Variants in EIF1AD observed in about 807,000 individuals in gnomAD.
EIF1AD encodes the protein eukaryotic translation initiation factor 1A domain containing.
A neutral mutation model predicts 21.7 loss-of-function variants in EIF1AD; 9 were observed. The ratio of observed to expected loss-of-function variants is 0.41; its 90% CI spans 0.25 to 0.72. EIF1AD has a LOEUF of 0.72. Among genes scored for constraint, EIF1AD ranks in the 30% least tolerant of loss-of-function variants. The pLI is 0.29. For synonymous variants in EIF1AD, 78 were observed against 70.9 expected, an observed-to-expected ratio of 1.10 and a Z score of -0.50; for missense variants, 164 against 199.7, an observed-to-expected ratio of 0.82 and a Z score of 1.08.
At chr11:65,999,950 T>A in intron 3 of EIF1AD, 103 bp downstream of exon 3, 1 of 955,046 alleles carries the variant, frequency 1.0e-6, no homozygotes. Flanking sequence ...AATTTTTTTC[T>A]TTTTGTAGAG....
chr11:66,001,579 G>T (rs1158987324), intron 1 of EIF1AD, among the ~76,000 whole-genome samples: 2 of 151,958 alleles, frequency 1.3e-5, no homozygotes, highest in Non-Finnish European at 2.9e-5. Context: ...TCTGGAAGGA[G>T]TTTGAAATAA....
intron 1 of EIF1AD, among the ~76,000 whole-genome samples, chr11:66,001,230 T>A (rs572882259): frequency 5.3e-5 from 8 of 151,912 alleles, no homozygotes; most frequent in Non-Finnish European, 8.8e-5. Flanking sequence ...TCCCAGCACT[T>A]TGGGAGGCCG....
In EIF1AD at chr11:65,998,243, G is replaced by C. The variant is rs763428936; in HGVS notation, c.*356C>G. 1.1e-5 allele frequency: 2 copies of C among 181,828 alleles called. No homozygotes were observed. The highest frequency in any genetic ancestry group is 1.2e-5 in the Non-Finnish European group (1 of 85,880). 11.3% of individuals were successfully genotyped at this position (181,828 alleles called of 1,614,324 possible). The stretch of plus-strand genomic sequence containing the variant: ...TGTTAAACACATGCAAGAAGGCCCA[G>C]AGCACGGCCTGGCACTTTCTAAGTG... On this transcript the variant is annotated 3_prime_UTR_variant, in exon 6 of 6. Transcript: ENST00000533544.
chr11:66,000,008 T>C lies in EIF1AD; in HGVS notation c.196+45A>G, dbSNP rs370566465. ...AGGCTGGTCTCAAGCGATCCTCCCA[T>C]CTCAGCCTCTCAAAGTGCCAGGATT... On this transcript the variant is annotated intron_variant, in intron 3 of 5. Transcript: ENST00000533544. The C allele has an allele frequency of 5.7e-5, 84 of 1,467,524 alleles. No homozygotes were observed. In the African/African-American group the frequency reaches 1.0e-3, roughly 18 times the overall value. The allele number at this position is 1,467,524 out of a possible 1,614,324, so 90.9% of individuals were successfully genotyped here.
Position 65,998,402 on chromosome 11 carries a change from G to A in EIF1AD, c.*197C>T, listed in dbSNP as rs546833104. 524 of 438,426 alleles carry A rather than the reference G, an allele frequency of 1.2e-3. No homozygotes were observed. Among genetic ancestry groups the A allele is most frequent in the Non-Finnish European group, 1.5e-3 (407 of 262,854 alleles). The allele number at this position is 438,426 out of a possible 1,614,324, so 27.2% of individuals were successfully genotyped here. ...CACTTCATCACAATCTCCCTCCCCCGAGAGAGCCACTCAGACACCAGAACA... is the reference window on the plus strand; with the variant it reads ...CACTTCATCACAATCTCCCTCCCCCAAGAGAGCCACTCAGACACCAGAACA... On this transcript the variant is annotated 3_prime_UTR_variant, in exon 6 of 6. Transcript: ENST00000533544.
chr11:66,001,301 C>A (rs993783458), intron 1 of EIF1AD, among the ~76,000 whole-genome samples: 6 of 151,758 alleles, frequency 4.0e-5, no homozygotes, highest in African/African-American at 1.5e-4. Flanking sequence ...GTGAAACCCT[C>A]TCTCTACAAA....
intron 5 of EIF1AD, 81 bp downstream of exon 5, chr11:65,999,269 G>A (rs1855843352): frequency 7.0e-6 from 11 of 1,578,318 alleles, no homozygotes; most frequent in African/African-American, 1.4e-5. Context: ...AAGGAGGAAA[G>A]AAGGCTCTAT....
rs758174177 is a variant in EIF1AD, at chr11:65,998,664, C to T, written c.433G>A (p.Val145Ile). The part of the protein sequence containing the change: ...SSSEDDSDLF[V>I]NTNRRQYHES... Reference sequence around the variant, plus strand: ...TGATACTGTCTGCGGTTTGTGTTAACAAACAGGTCAGAATCATCTTCTGAG... The same window carrying T: ...TGATACTGTCTGCGGTTTGTGTTAATAAACAGGTCAGAATCATCTTCTGAG... The change falls in exon 6 of 6, where the codon GTT becomes ATT. Residue 145 changes from valine (V) to isoleucine (I), a missense_variant. Coordinates refer to ENST00000533544, the MANE Select transcript of EIF1AD (RefSeq NM_001242481.2). 3.1e-6 allele frequency: 5 copies of T among 1,614,212 alleles called. No individual in the cohort carries two copies. In the East Asian group the frequency reaches 1.1e-4, roughly 36 times the overall value.
intron 1 of EIF1AD, 61 bp downstream of exon 1, chr11:66,001,849 T>C (rs1565061979): frequency 6.6e-6 from 1 of 152,294 alleles, no homozygotes; most frequent in Non-Finnish European, 1.5e-5. Flanking sequence ...CGTCTCTAGT[T>C]GCTGTCCTCC....
Position 65,999,341 on chromosome 11 carries a change from G to T in EIF1AD, c.353+9C>A, listed in dbSNP as rs766510565. On this transcript the variant is annotated intron_variant, in intron 5 of 5. Coordinates refer to ENST00000533544, the MANE Select transcript of EIF1AD (RefSeq NM_001242481.2). ...TTCCATGTACCCCACCCCAAGGCTT[G>T]TTCCTCACCTGTTCCTGTTGTTGTG... The T allele has an allele frequency of 3.7e-6, 6 of 1,614,100 alleles. No homozygotes were observed. The highest frequency in any genetic ancestry group is 1.6e-4 in the Middle Eastern group (1 of 6,084).
Position 66,000,371 on chromosome 11 carries a change from T to C in EIF1AD, c.19A>G (p.Arg7Gly), listed in dbSNP as rs376933677. Residue 7 changes from arginine to glycine, a missense_variant, in exon 2 of 6, where the codon AGG becomes GGG. By Grantham distance (125) the Arg-to-Gly change is moderately radical. Coordinates refer to ENST00000533544, the MANE Select transcript of EIF1AD (RefSeq NM_001242481.2). MSQATK[R>G]KHVVKEVLGE... is the part of the protein sequence containing the mutation. ...AGCACCTCCTTCACCACATGCTTCC[T>C]CTTGGTGGCCTGAGACATGCTGAAG... is the stretch of plus-strand genomic sequence containing the variant. The C allele has an allele frequency of 3.1e-6, 5 of 1,611,752 alleles. No homozygotes were observed. Among genetic ancestry groups the C allele is most frequent in the Non-Finnish European group, 4.2e-6 (5 of 1,179,072 alleles).
At chr11:65,999,746 G>T in intron 3 of EIF1AD, 71 bp from the exon 4 acceptor site, 4 of 1,052,382 alleles carry the variant, frequency 3.8e-6, no homozygotes, top group Non-Finnish European at 5.8e-6. Flanking sequence ...ATAGGAAGGG[G>T]TTCTATCTCC....
Position 65,999,252 on chromosome 11 carries a change from C to T in EIF1AD, c.353+98G>A, listed in dbSNP as rs541066274. 9 of 1,508,622 alleles carry T rather than the reference C, an allele frequency of 6.0e-6. No individual in the cohort carries two copies. The African/African-American group carries it at 8.3e-5, about 14-fold the overall frequency. The allele number at this position is 1,508,622 out of a possible 1,614,324, so 93.5% of individuals were successfully genotyped here. ...ATGCTTAGGAGCTCTCAACAGATAC[C>T]CTATGTAAGGAGGAAAGAAGGCTCT... On this transcript the variant is annotated intron_variant, in intron 5 of 5. Transcript: ENST00000533544.
rs1008436945 is a variant in EIF1AD at position 66,001,959 on chromosome 11, C to A, written c.-166G>T. 6.6e-6 allele frequency: 1 copy of A among 152,264 alleles called. No individual in the cohort carries two copies. The highest frequency in any genetic ancestry group is 2.4e-5 in the African/African-American group (1 of 41,452). 9.4% of individuals were successfully genotyped at this position (152,264 alleles called of 1,614,324 possible). On this transcript the variant is annotated 5_prime_UTR_variant, in exon 1 of 6. Transcript: ENST00000533544. Reference sequence around the variant, plus strand: ...CAGGAACGCTGCCGGAGCAACACCGCCGTCTAGGCTGGACGCTGAGAGAGG... The same window carrying A: ...CAGGAACGCTGCCGGAGCAACACCGACGTCTAGGCTGGACGCTGAGAGAGG...
chr11:65,997,094 G>C lies in EIF1AD; in HGVS notation c.*1505C>G, dbSNP rs936894084. ...TAATCCCAGCAGTTTGGGAGGCTGA[G>C]GCAGGAGGCTCATTTAAGGTCAGGA... is the stretch of plus-strand genomic sequence containing the variant. On this transcript the variant is annotated 3_prime_UTR_variant, in exon 6 of 6. Coordinates refer to ENST00000533544, the MANE Select transcript of EIF1AD (RefSeq NM_001242481.2). 2 of 152,104 alleles carry C rather than the reference G, an allele frequency of 1.3e-5. No individual in the cohort carries two copies. Among genetic ancestry groups the C allele is most frequent in the Middle Eastern group, 3.1e-3 (1 of 318 alleles). 9.4% of individuals were successfully genotyped at this position (152,104 alleles called of 1,614,324 possible). A position where few individuals can be genotyped will look rare whatever the true frequency, so the allele number is the denominator to read the frequency against.
rs1292744150 is a variant in EIF1AD at position 65,999,691 on chromosome 11, G to C, written c.197-16C>G. ...AGAAAGTCCCCTGTAGATAAGAAGA[G>C]AAAAGGCAAAGTCAGGCCTGCTTGC... is the stretch of plus-strand genomic sequence containing the variant. On this transcript the variant is annotated splice_polypyrimidine_tract_variant and intron_variant, in intron 3 of 5. Transcript: ENST00000533544. The C allele has an allele frequency of 6.3e-7, 1 of 1,588,798 alleles. No individual in the cohort carries two copies. The highest frequency in any genetic ancestry group is 8.6e-7 in the Non-Finnish European group (1 of 1,157,348).
intron 5 of EIF1AD, 89 bp downstream of exon 5, chr11:65,999,261 G>A: frequency 6.5e-7 from 1 of 1,546,498 alleles, no homozygotes; most frequent in Non-Finnish European, 8.9e-7. Flanking sequence ...CCCTATGTAA[G>A]GAGGAAAGAA....
chr11:65,998,763 C>G lies in EIF1AD; in HGVS notation c.354-20G>C. 1 of 1,612,974 alleles carries G rather than the reference C, an allele frequency of 6.2e-7. No individual in the cohort carries two copies. Among genetic ancestry groups the G allele is most frequent in the South Asian group, 1.1e-5 (1 of 90,968 alleles). On this transcript the variant is annotated intron_variant, in intron 5 of 5. Transcript: ENST00000533544. Reference sequence around the variant, plus strand: ...GTTTGTCTGCACGAAGGGAAGAGAGCAGGGTTAGCCCAGCGCCTTCTGGGA... The same window carrying G: ...GTTTGTCTGCACGAAGGGAAGAGAGGAGGGTTAGCCCAGCGCCTTCTGGGA...
intron 3 of EIF1AD, 89 bp downstream of exon 3, chr11:65,999,964 A>G: frequency 9.5e-7 from 1 of 1,057,972 alleles, no homozygotes; most frequent in Non-Finnish European, 1.4e-6. Context: ...TGTAGAGACA[A>G]GGTCTCATTA....
Sources: allele counts gnomAD v4.1 joint callset (sites outside exome capture counted in the v4.1 genomes callset), GRCh38; gene constraint gnomAD v4.1.1; transcripts MANE v1.5; gene names NCBI Gene and HGNC (gene_info 2026-07-23, HGNC 2026-07-21).